The following CFAP20DC variants were observed in gnomAD, a reference collection of about 807,000 sequenced individuals.
CFAP20DC encodes CFAP20 domain containing, also known as protein CFAP20DC.
A neutral mutation model predicts 101.7 loss-of-function variants in CFAP20DC; 84 were observed. The ratio of observed to expected loss-of-function variants is 0.83; its 90% CI spans 0.69 to 0.99. The LOEUF is 0.99. Ranked by LOEUF, CFAP20DC falls within the 50% of genes least tolerant of loss-of-function variation. The pLI, the probability that CFAP20DC is intolerant of heterozygous loss-of-function variation, is 0.00. For synonymous variants in CFAP20DC, 359 were observed against 351.2 expected, an observed-to-expected ratio of 1.02 and a Z score of -0.25; for missense variants, 1,007 against 970.3, an observed-to-expected ratio of 1.04 and a Z score of -0.50.
At chr3:59,038,071 A>G (rs1356877899) in intron 4 of CFAP20DC, among the ~76,000 whole-genome samples, 1 of 152,168 alleles carries the variant, frequency 6.6e-6, no homozygotes, top group African/African-American at 2.4e-5. Context: ...GTAAGAGGTG[A>G]ACAATGAGAA....
intron 12 of CFAP20DC, among the ~76,000 whole-genome samples, chr3:58,858,555 T>C (rs1269113419): frequency 2.6e-5 from 4 of 152,322 alleles, no homozygotes; most frequent in South Asian, 2.1e-4. Context: ...AACTTTAATG[T>C]TGAGTGAATC....
At chr3:58,855,883 C>G (rs1324955925) in intron 12 of CFAP20DC, among the ~76,000 whole-genome samples, 2 of 148,818 alleles carry the variant, frequency 1.3e-5, no homozygotes, top group Non-Finnish European at 3.0e-5. Flanking sequence ...ATACCTAATG[C>G]TAGATGATGA....
At position 58,721,054 on chromosome 3, in the gene CFAP20DC, C is replaced by T. The variant is rs2067466292; in HGVS notation, c.198-3426G>A. 6.6e-6 allele frequency among the ~76,000 whole-genome samples: 1 copy of T among 152,150 alleles called. No homozygotes were observed. Among genetic ancestry groups the T allele is most frequent in the African/African-American group, 2.4e-5 (1 of 41,438 alleles). ...GACTCCAAGGCTAGGTTAGGTTCCTCATTTTTCTCTCCCAGAGCTTTTCTT... is the reference window on the plus strand; with the variant it reads ...GACTCCAAGGCTAGGTTAGGTTCCTTATTTTTCTCTCCCAGAGCTTTTCTT... On this transcript the variant is annotated intron_variant, in intron 3 of 3. Coordinates refer to the CFAP20DC transcript ENST00000486145. This position sits in a 1 kb window ranked among gnomAD's most constrained non-coding sequence, Gnocchi z 5.2.
chr3:58,926,228 T>C (rs913111935), intron 5 of CFAP20DC, among the ~76,000 whole-genome samples: 2 of 151,688 alleles, frequency 1.3e-5, no homozygotes, highest in African/African-American at 4.8e-5. Context: ...TAGCCAGGTG[T>C]GATGGCAGCC....
chr3:58,900,989 G>C (rs776809304), intron 6 of CFAP20DC, among the ~76,000 whole-genome samples: 2 of 152,166 alleles, frequency 1.3e-5, no homozygotes, highest in African/African-American at 4.8e-5. Flanking sequence ...TAGAGAGTGA[G>C]ATTTATAGAT....
At chr3:58,950,897 C>T (rs2090024995) in intron 4 of CFAP20DC, among the ~76,000 whole-genome samples, 1 of 152,068 alleles carries the variant, frequency 6.6e-6, no homozygotes, top group South Asian at 2.1e-4. Flanking sequence ...CAACAAAAGC[C>T]AAAATTGACA....
intron 15 of CFAP20DC, among the ~76,000 whole-genome samples, chr3:58,797,780 G>A (rs1200781914): frequency 6.6e-6 from 1 of 152,188 alleles, no homozygotes; most frequent in East Asian, 1.9e-4. Flanking sequence ...TGCAGCTGGT[G>A]ACTTTAAGTT....
chr3:59,047,542 T>C (rs1212391807), intron 1 of CFAP20DC, among the ~76,000 whole-genome samples: 1 of 152,226 alleles, frequency 6.6e-6, no homozygotes, highest in Non-Finnish European at 1.5e-5. Context: ...ACTCGTTTAC[T>C]TGACACATAC....
At chr3:59,012,204 G>T (rs988761293) in intron 4 of CFAP20DC, among the ~76,000 whole-genome samples, 1 of 152,126 alleles carries the variant, frequency 6.6e-6, no homozygotes, top group Non-Finnish European at 1.5e-5. Context: ...GTCACGGAAC[G>T]CCTTAAAGAT....
chr3:58,766,693 A>G (rs899725234), intron 15 of CFAP20DC, among the ~76,000 whole-genome samples: 5 of 152,126 alleles, frequency 3.3e-5, no homozygotes, highest in African/African-American at 1.2e-4. Flanking sequence ...TTCCAACCTC[A>G]TGTGGTACAA....
chr3:58,808,190 T>C (rs1029332800), intron 14 of CFAP20DC, among the ~76,000 whole-genome samples: 5 of 152,078 alleles, frequency 3.3e-5, no homozygotes, highest in Non-Finnish European at 7.4e-5. Context: ...CAGGCTAACA[T>C]TCAGATTCAG....
chr3:58,866,222 T>C (rs375354188), intron 11 of CFAP20DC, among the ~76,000 whole-genome samples: 1 of 152,238 alleles, frequency 6.6e-6, no homozygotes, highest in African/African-American at 2.4e-5. Flanking sequence ...GATATGTTGA[T>C]GGGCTCAATG....
chr3:58,861,401 T>A lies in CFAP20DC; in HGVS notation c.1593+2157A>T. ...TAATGCAATTAATAGTAAGGATGCC[T>A]TAATTAACTAAACTGATTTTTCTTC... On this transcript the variant is annotated intron_variant, in intron 12 of 16. Transcript: ENST00000482387. This position sits in a 1 kb window ranked among gnomAD's most constrained non-coding sequence, Gnocchi z 4.0. The A allele has an allele frequency of 1.2e-6, 1 of 800,310 alleles. No individual in the cohort carries two copies. Among genetic ancestry groups the A allele is most frequent in the Non-Finnish European group, 1.5e-6 (1 of 661,416 alleles). The allele number at this position is 800,310 out of a possible 1,614,324, so 49.6% of individuals were successfully genotyped here. A position where few individuals can be genotyped will look rare whatever the true frequency, so the allele number is the denominator to read the frequency against.
intron 4 of CFAP20DC, among the ~76,000 whole-genome samples, chr3:58,977,646 T>C (rs1038183123): frequency 7.9e-5 from 12 of 151,634 alleles, no homozygotes; most frequent in African/African-American, 1.7e-4. Context: ...TGGCAAGACA[T>C]TGGGGATATA....
At chr3:59,027,211 T>C (rs2109045561) in intron 4 of CFAP20DC, among the ~76,000 whole-genome samples, 1 of 152,354 alleles carries the variant, frequency 6.6e-6, no homozygotes. Context: ...AATACTGCTA[T>C]GCAAGGATCA....
Position 58,891,647 on chromosome 3 carries a change from T to A in CFAP20DC, c.551-6938A>T, listed in dbSNP as rs538540399. On this transcript the variant is annotated intron_variant, in intron 6 of 16. Coordinates refer to ENST00000482387, the MANE Select transcript of CFAP20DC (RefSeq NM_001394063.1). ...TTCATGTCCTTTGCCCACTTTTTAA[T>A]GGGGTTATTTGTTTTTTTTTCTTGT... 1.3e-4 allele frequency among the ~76,000 whole-genome samples: 20 copies of A among 152,270 alleles called. No individual in the cohort carries two copies. In the South Asian group the frequency reaches 2.5e-3, roughly 19 times the overall value.
Position 58,869,779 on chromosome 3 carries a change from G to GT in CFAP20DC, c.853-290dup, listed in dbSNP as rs1246835880. Among the ~76,000 whole-genome samples, 1 of 152,084 alleles carries GT rather than the reference G, an allele frequency of 6.6e-6. No homozygotes were observed. The highest frequency in any genetic ancestry group is 2.4e-5 in the African/African-American group (1 of 41,410). On this transcript the variant is annotated intron_variant, in intron 8 of 16. Transcript: ENST00000482387. The surrounding 1 kb of genome is among the most constrained non-coding windows in gnomAD (Gnocchi z 4.3). ...GTAGAAGCCGAATTAAAAATCACGC[G>GT]TATGTCAGAAATTCGGAGGAAATTA...
At chr3:58,999,363 G>T (rs893238313) in intron 4 of CFAP20DC, among the ~76,000 whole-genome samples, 5 of 152,168 alleles carry the variant, frequency 3.3e-5, no homozygotes, top group African/African-American at 1.2e-4. Flanking sequence ...TTCAGACAAG[G>T]AGCTAAGATA....
intron 13 of CFAP20DC, among the ~76,000 whole-genome samples, chr3:58,834,405 CATTTT>C (rs150598638): frequency 1.3e-3 from 203 of 152,222 alleles, no homozygotes; most frequent in African/African-American, 4.5e-3. Flanking sequence ...ATGAAAAACA[CATTTT>C]ATTTTAATTT....
Sources: allele counts gnomAD v4.1 joint callset (sites outside exome capture counted in the v4.1 genomes callset), GRCh38; gene constraint gnomAD v4.1.1; non-coding constraint Gnocchi (gnomAD v3.1); transcripts MANE v1.5; gene names NCBI Gene and HGNC (gene_info 2026-07-23, HGNC 2026-07-21).